RANBP17: variants seen among roughly 807,000 people sequenced by gnomAD.
RANBP17 encodes ran-binding protein 17.
Under a neutral mutation model 141.2 loss-of-function variants are expected in RANBP17, and 158 were observed. The ratio of observed to expected loss-of-function variants is 1.12; its 90% confidence interval spans 0.98 to 1.28. RANBP17 has a LOEUF of 1.28. Among genes scored for constraint, RANBP17 ranks in the 50% most tolerant of loss-of-function variants. The pLI, the probability that RANBP17 is intolerant of heterozygous loss-of-function variation, is 0.00. For synonymous variants in RANBP17, 430 were observed against 450.0 expected, an observed-to-expected ratio of 0.96 and a Z score of 0.56; for missense variants, 1,438 against 1,290.7, an observed-to-expected ratio of 1.11 and a Z score of -1.75.
intron 16 of RANBP17, among the ~76,000 whole-genome samples, chr5:171,172,139 G>C (rs1029394618): frequency 2.0e-5 from 3 of 151,876 alleles, no homozygotes; most frequent in Non-Finnish European, 4.4e-5. Context: ...TTCATTCCAG[G>C]AATATGTTTA....
At chr5:171,286,222 A>G (rs1197734900) in intron 25 of RANBP17, among the ~76,000 whole-genome samples, 3 of 152,156 alleles carry the variant, frequency 2.0e-5, no homozygotes, top group Admixed American at 2.0e-4. Flanking sequence ...TATATGACCA[A>G]AACCAGCTGA....
At chr5:170,951,147 G>A (rs6555933) in intron 12 of RANBP17, among the ~76,000 whole-genome samples, 92,892 of 151,794 alleles carry the variant, frequency 0.61, 29,812 homozygotes, top group South Asian at 0.88. Context: ...AAAGGTATAA[G>A]TTCTAATGTT....
At chr5:170,865,593 T>C (rs1183289169) in intron 1 of RANBP17, among the ~76,000 whole-genome samples, 2 of 152,130 alleles carry the variant, frequency 1.3e-5, no homozygotes, top group African/African-American at 4.8e-5. Context: ...TGATCTACTG[T>C]CTGTGAATAT....
chr5:171,091,943 T>A (rs1786321656), intron 14 of RANBP17, among the ~76,000 whole-genome samples: 1 of 152,222 alleles, frequency 6.6e-6, no homozygotes, highest in Non-Finnish European at 1.5e-5. Flanking sequence ...TTTTCATATA[T>A]GCAGGTTCCA....
chr5:171,089,832 G>A (rs1205667043), intron 14 of RANBP17, among the ~76,000 whole-genome samples: 2 of 152,010 alleles, frequency 1.3e-5, no homozygotes, highest in African/African-American at 4.8e-5. Context: ...CACGGTGCGT[G>A]CACCCACTGG....
At chr5:170,959,834 A>G (rs1355368997) in intron 13 of RANBP17, among the ~76,000 whole-genome samples, 1 of 152,216 alleles carries the variant, frequency 6.6e-6, no homozygotes, top group Admixed American at 6.5e-5. Flanking sequence ...TCTTCATCTT[A>G]AACATTGGGT....
intron 16 of RANBP17, among the ~76,000 whole-genome samples, chr5:171,180,043 G>A (rs1241806757): frequency 1.3e-5 from 2 of 152,052 alleles, no homozygotes; most frequent in Non-Finnish European, 2.9e-5. Context: ...CACCCTCTTC[G>A]ATGTTTTCAT....
At position 171,006,743 on chromosome 5, in the gene RANBP17, TA is replaced by T. The variant is rs59337087; in HGVS notation, c.1710+38381del. On this transcript the variant is annotated intron_variant, in intron 14 of 27. Transcript: ENST00000523189. ...ACATGTACTCTAAAACTTAAAGTATTAAAAAAAAAAAAAAAGAATAGGTCGG... is the reference window on the plus strand; with the variant it reads ...ACATGTACTCTAAAACTTAAAGTATTAAAAAAAAAAAAAAGAATAGGTCGG... 4.0e-3 allele frequency among the ~76,000 whole-genome samples: 575 copies of T among 142,886 alleles called. 7 individuals are homozygous for T. Among genetic ancestry groups the T allele is most frequent in the African/African-American group, 0.012 (446 of 38,336 alleles). The allele number at this position is 142,886 out of a possible 152,430, so 93.7% of individuals were successfully genotyped here.
intron 14 of RANBP17, among the ~76,000 whole-genome samples, chr5:171,159,746 C>A (rs991798179): frequency 6.6e-6 from 1 of 151,464 alleles, no homozygotes; most frequent in African/African-American, 2.4e-5. Context: ...ACGGTGAATC[C>A]TCGTCTCTAC....
chr5:170,862,508 A>G (rs1766885920), intron 1 of RANBP17, among the ~76,000 whole-genome samples: 1 of 152,076 alleles, frequency 6.6e-6, no homozygotes, highest in African/African-American at 2.4e-5. Context: ...CCCTCCACAC[A>G]GTTGAGCCCC....
chr5:171,008,716 A>C (rs1279178993), intron 14 of RANBP17, among the ~76,000 whole-genome samples: 4 of 152,154 alleles, frequency 2.6e-5, no homozygotes, highest in Non-Finnish European at 5.9e-5. Context: ...AACAAATCAC[A>C]AGGGTGGAAT....
chr5:171,046,040 CA>C (rs1478709630), intron 14 of RANBP17, among the ~76,000 whole-genome samples: 1 of 152,120 alleles, frequency 6.6e-6, no homozygotes, highest in Non-Finnish European at 1.5e-5. Context: ...TTTTACAATA[CA>C]GTTTGTTTTC....
At chr5:171,130,580 G>A (rs1756841033) in intron 14 of RANBP17, among the ~76,000 whole-genome samples, 1 of 151,710 alleles carries the variant, frequency 6.6e-6, no homozygotes, top group South Asian at 2.1e-4. Flanking sequence ...GGGACTACAG[G>A]CATGCGCCAC....
intron 3 of RANBP17, among the ~76,000 whole-genome samples, chr5:170,889,028 A>G (rs1337308881): frequency 6.6e-6 from 1 of 151,842 alleles, no homozygotes; most frequent in Non-Finnish European, 1.5e-5. Flanking sequence ...TAATTTTTGA[A>G]TATTGAACTA....
chr5:171,090,676 G>T (rs1786185480), intron 14 of RANBP17, among the ~76,000 whole-genome samples: 1 of 152,006 alleles, frequency 6.6e-6, no homozygotes, highest in Non-Finnish European at 1.5e-5. Flanking sequence ...GGTTTCATGG[G>T]CAGGGCCCAG....
chr5:171,214,715 G>A (rs1763108936), intron 21 of RANBP17, among the ~76,000 whole-genome samples: 1 of 152,030 alleles, frequency 6.6e-6, no homozygotes, highest in African/African-American at 2.4e-5. Context: ...GTGCCTTAAA[G>A]GAAGGGTGGC....
chr5:170,969,571 C>T (rs1776840926), intron 14 of RANBP17, among the ~76,000 whole-genome samples: 1 of 151,830 alleles, frequency 6.6e-6, no homozygotes, highest in Non-Finnish European at 1.5e-5. Context: ...GGGTTACTCT[C>T]AAAATATTGC....
chr5:170,870,356 G>T (rs1315089201), intron 1 of RANBP17, among the ~76,000 whole-genome samples: 1 of 151,930 alleles, frequency 6.6e-6, no homozygotes, highest in Non-Finnish European at 1.5e-5. Context: ...TTGTCCTCAT[G>T]CTCTCTCTCC....
intron 14 of RANBP17, among the ~76,000 whole-genome samples, chr5:171,169,221 G>C (rs571220345): frequency 1.3e-5 from 2 of 152,250 alleles, no homozygotes; most frequent in South Asian, 4.2e-4. Flanking sequence ...CTATGTTGCT[G>C]TACATAAGAA....
Sources: gnomAD v4.1 joint callset for allele counts (sites outside exome capture counted in the v4.1 genomes callset) on GRCh38, gnomAD v4.1.1 for gene constraint, MANE v1.5 for transcripts, NCBI Gene and HGNC (gene_info 2026-07-23, HGNC 2026-07-21) for gene names.